The following YES1 variants were observed in gnomAD, a reference collection of about 807,000 sequenced individuals.
YES1 encodes the protein YES proto-oncogene 1, Src family tyrosine kinase.
In YES1, 39 loss-of-function variants were observed where a neutral mutation model predicts 70.4. The observed-to-expected ratio is 0.55, with a 90% CI of 0.43 to 0.72. The LOEUF (loss-of-function observed/expected upper bound fraction) is 0.72, where lower values mean the gene tolerates loss of function less well. Among genes scored for constraint, YES1 ranks in the 30% least tolerant of loss-of-function variants. The probability of loss-of-function intolerance (pLI) is 0.00; values close to 1 mark genes in which losing one functional copy is unlikely to be tolerated. For missense variants in YES1, 495 were observed against 644.8 expected, an observed-to-expected ratio of 0.77 and a Z score of 2.52; for synonymous variants, 198 against 218.6, an observed-to-expected ratio of 0.91 and a Z score of 0.83.
At chr18:765,283 T>TAC (rs1904841067) in intron 1 of YES1, among the ~76,000 whole-genome samples, 1 of 127,456 alleles carries the variant, frequency 7.8e-6, no homozygotes, top group South Asian at 2.4e-4. Context: ...TATATATATA[T>TAC]ATATATATAT....
Position 783,617 on chromosome 18 carries a change from C to CT in YES1, c.-8-26783dup, listed in dbSNP as rs71805434. On this transcript the variant is annotated intron_variant, in intron 1 of 11. Transcript: ENST00000314574. ...AGCTTCTACATGTATCAATTTTTCT[C>CT]TTTTTTTTTTTTTTTTGAAACAGAG... Among the ~76,000 whole-genome samples, 633 of 143,272 alleles carry CT rather than the reference C, an allele frequency of 4.4e-3. 1 individual carries two copies. Among genetic ancestry groups the CT allele is most frequent in the African/African-American group, 0.011 (421 of 38,842 alleles). 94.0% of individuals were successfully genotyped at this position (143,272 alleles called of 152,430 possible).
chr18:779,827 G>A (rs1203667946), intron 1 of YES1, among the ~76,000 whole-genome samples: 1 of 151,806 alleles, frequency 6.6e-6, no homozygotes, highest in Non-Finnish European at 1.5e-5. Flanking sequence ...TGCTCCTCAG[G>A]CACTGCACGT....
chr18:788,032 C>T lies in YES1; in HGVS notation c.-9+24082G>A, dbSNP rs116672412. On this transcript the variant is annotated intron_variant, in intron 1 of 11. Coordinates refer to ENST00000314574, the MANE Select transcript of YES1 (RefSeq NM_005433.4). ...ACGTATATGAGAAAGGCAGGATGCACGCTGACTGTTTCCAGCCATTCCTCA... is the reference window on the plus strand; with the variant it reads ...ACGTATATGAGAAAGGCAGGATGCATGCTGACTGTTTCCAGCCATTCCTCA... The T allele has an allele frequency of 2.1e-3, 326 of 152,268 alleles. 1 individual carries two copies. Among genetic ancestry groups the T allele is most frequent in the African/African-American group, 7.4e-3 (307 of 41,542 alleles). 9.4% of individuals were successfully genotyped at this position (152,268 alleles called of 1,614,324 possible). A position where few individuals can be genotyped will look rare whatever the true frequency, so the allele number is the denominator to read the frequency against.
At chr18:768,852 G>A (rs1905026481) in intron 1 of YES1, among the ~76,000 whole-genome samples, 1 of 152,056 alleles carries the variant, frequency 6.6e-6, no homozygotes, top group East Asian at 1.9e-4. Flanking sequence ...ACAGGCATCT[G>A]CCACCACGCC....
intron 10 of YES1, among the ~76,000 whole-genome samples, chr18:735,056 C>G (rs2080136483): frequency 6.7e-6 from 1 of 149,970 alleles, no homozygotes; most frequent in South Asian, 2.1e-4. Context: ...ACAGGGGAGG[C>G]TGAGGCAGGA....
intron 1 of YES1, among the ~76,000 whole-genome samples, chr18:788,446 G>A (rs777649929): frequency 2.0e-5 from 3 of 152,088 alleles, no homozygotes; most frequent in East Asian, 1.9e-4. Context: ...ACATAATAAC[G>A]ATGTGTATAT....
At chr18:733,083 T>C in intron 10 of YES1, 118 bp from the exon 11 acceptor site, 1 of 924,802 alleles carries the variant, frequency 1.1e-6, no homozygotes, top group Non-Finnish European at 1.7e-6. Flanking sequence ...GTGTCAATTC[T>C]TTAAATGTAC....
intron 2 of YES1, among the ~76,000 whole-genome samples, chr18:754,850 G>C (rs1342564875): frequency 2.0e-5 from 3 of 151,984 alleles, no homozygotes; most frequent in African/African-American, 7.3e-5. Flanking sequence ...ATCCTGTTTA[G>C]CTGTTTATTC....
Position 742,916 on chromosome 18 carries a change from A to G in YES1, c.1060+2T>C, listed in dbSNP as rs765484832. 4.4e-6 allele frequency: 7 copies of G among 1,582,416 alleles called. No individual in the cohort carries two copies. Among genetic ancestry groups the G allele is most frequent in the South Asian group, 3.6e-5 (3 of 83,278 alleles). The stretch of plus-strand genomic sequence containing the variant: ...AATACCTAAGGAGATACTAATACAT[A>G]CCTTTTGACATAAATTCAGTGACAA... On this transcript the variant is annotated splice_donor_variant, in intron 8 of 11. Coordinates refer to ENST00000314574, the MANE Select transcript of YES1 (RefSeq NM_005433.4). LOFTEE classifies it high-confidence loss of function.
intron 1 of YES1, among the ~76,000 whole-genome samples, chr18:789,022 C>T (rs1906106496): frequency 6.6e-6 from 1 of 152,212 alleles, no homozygotes; most frequent in East Asian, 1.9e-4. Context: ...ATTATGGCCC[C>T]CATTTTATAA....
Position 724,384 on chromosome 18 carries a change from T to A in YES1, c.*40A>T. The A allele has an allele frequency of 6.4e-7, 1 of 1,550,886 alleles. No individual in the cohort carries two copies. Among genetic ancestry groups the A allele is most frequent in the South Asian group, 1.1e-5 (1 of 87,906 alleles). ...GTAGAAAATCTACACAAGTTCTTTATATTTTGGCAGATTTGTGCATATAAA... is the reference window on the plus strand; with the variant it reads ...GTAGAAAATCTACACAAGTTCTTTAAATTTTGGCAGATTTGTGCATATAAA... On this transcript the variant is annotated 3_prime_UTR_variant, in exon 12 of 12. Transcript: ENST00000314574.
At chr18:775,240 T>C (rs983511363) in intron 1 of YES1, 1 of 152,216 alleles carries the variant, frequency 6.6e-6, no homozygotes, top group East Asian at 1.9e-4. Context: ...TGTGATCATT[T>C]TGATAATGGT....
chr18:730,258 G>A (rs907870829), intron 11 of YES1, among the ~76,000 whole-genome samples: 1 of 151,830 alleles, frequency 6.6e-6, no homozygotes, highest in African/African-American at 2.4e-5. Flanking sequence ...CGACTCCCCA[G>A]CCTCCTAGTG....
rs554650504 is a variant in YES1, at chr18:724,305, C to T, written c.*119G>A. The T allele has an allele frequency of 1.0e-5, 10 of 997,118 alleles. No individual in the cohort carries two copies. The highest frequency in any genetic ancestry group is 1.5e-5 in the Non-Finnish European group (10 of 687,220). 61.8% of individuals were successfully genotyped at this position (997,118 alleles called of 1,614,324 possible). A position where few individuals can be genotyped will look rare whatever the true frequency, so the allele number is the denominator to read the frequency against. ...TTTTGTGCAACCATATCTGGGATTC[C>T]AGTTTACCATTAAAAACATGCAGAG... is the stretch of plus-strand genomic sequence containing the variant. On this transcript the variant is annotated 3_prime_UTR_variant, in exon 12 of 12. Transcript: ENST00000314574.
At chr18:759,309 A>C (rs1904451905) in intron 1 of YES1, among the ~76,000 whole-genome samples, 2 of 152,240 alleles carry the variant, frequency 1.3e-5, no homozygotes, top group Non-Finnish European at 2.9e-5. Context: ...TCTATTAAAA[A>C]TACAAAAATT....
intron 1 of YES1, among the ~76,000 whole-genome samples, chr18:766,692 T>C (rs1438789562): frequency 6.6e-6 from 1 of 152,144 alleles, no homozygotes; most frequent in Non-Finnish European, 1.5e-5. Context: ...CATGTTCTCA[T>C]GTGCTTATTT....
rs1473577216 is a variant in YES1, at chr18:745,585, T to C, written c.724+123A>G. 8 of 931,620 alleles carry C rather than the reference T, an allele frequency of 8.6e-6. No homozygotes were observed. In the East Asian group the frequency reaches 1.7e-4, roughly 20 times the overall value. 57.7% of individuals were successfully genotyped at this position (931,620 alleles called of 1,614,324 possible). A position where few individuals can be genotyped will look rare whatever the true frequency, so the allele number is the denominator to read the frequency against. Reference sequence around the variant, plus strand: ...TCCTCCCTTTAGAATACAACAGACATTTATTGGGCATGTATTATGTGTAAA... The same window carrying C: ...TCCTCCCTTTAGAATACAACAGACACTTATTGGGCATGTATTATGTGTAAA... On this transcript the variant is annotated intron_variant, in intron 6 of 11. Transcript: ENST00000314574.
chr18:796,732 G>T (rs1254703748), intron 1 of YES1, among the ~76,000 whole-genome samples: 1 of 151,930 alleles, frequency 6.6e-6, no homozygotes, highest in Non-Finnish European at 1.5e-5. Flanking sequence ...CACTGGCCTG[G>T]GTGACAGAGG....
rs2079952829 is a variant in YES1 at position 721,634 on chromosome 18, GCTC to G, written c.*2787_*2789del. On this transcript the variant is annotated 3_prime_UTR_variant, in exon 12 of 12. Coordinates refer to ENST00000314574, the MANE Select transcript of YES1 (RefSeq NM_005433.4). ...TTTAATAAAGGATTGATTAAATTCT[GCTC>G]AGTAGTTACAAGTAACTGAACATTT... 2.0e-5 allele frequency: 3 copies of G among 151,906 alleles called. No homozygotes were observed. The highest frequency in any genetic ancestry group is 4.4e-5 in the Non-Finnish European group (3 of 68,008). 9.4% of individuals were successfully genotyped at this position (151,906 alleles called of 1,614,324 possible). A position where few individuals can be genotyped will look rare whatever the true frequency, so the allele number is the denominator to read the frequency against.
Sources: allele counts gnomAD v4.1 joint callset (sites outside exome capture counted in the v4.1 genomes callset), GRCh38; gene constraint gnomAD v4.1.1; transcripts MANE v1.5; gene names NCBI Gene and HGNC (gene_info 2026-07-23, HGNC 2026-07-21).